EYS: variants seen among roughly 807,000 people sequenced by gnomAD.
The protein encoded by EYS is EGF-like photoreceptor maintenance factor.
Under a neutral mutation model 282.1 loss-of-function variants are expected in EYS, and 250 were observed. The observed-to-expected ratio is 0.89, with a 90% confidence interval of 0.80 to 0.98. The LOEUF is 0.98. Among genes scored for constraint, EYS ranks in the 50% least tolerant of loss-of-function variants. The pLI is 0.00. For missense variants in EYS, 4,016 were observed against 3,709.0 expected (o/e 1.08, Z -2.15); for synonymous variants, 1,355 against 1,282.9 (o/e 1.06, Z -1.20).
At chr6:65,173,417 CG>C (rs972882060) in intron 12 of EYS, among the ~76,000 whole-genome samples, 7 of 147,742 alleles carry the variant, frequency 4.7e-5, no homozygotes, top group Non-Finnish European at 1.0e-4. Flanking sequence ...CAAAATAGAA[CG>C]GGGGACTCAC....
At chr6:64,996,678 A>T (rs1323300435) in intron 14 of EYS, among the ~76,000 whole-genome samples, 1 of 152,330 alleles carries the variant, frequency 6.6e-6, no homozygotes, top group South Asian at 2.1e-4. Context: ...TGCGAGTTAC[A>T]GTTATTCCAT....
At position 65,289,072 on chromosome 6, in the gene EYS, T is replaced by C. The variant is rs1768450302; in HGVS notation, c.2023+6791A>G. Among the ~76,000 whole-genome samples the C allele has an allele frequency of 2.7e-5, 4 of 150,932 alleles. No homozygotes were observed. In the South Asian group the frequency reaches 8.3e-4, roughly 31 times the overall value. ...GTGTTGGCATATATTTAAACCTTAA[T>C]ATAAACTAACTACATAAAATGAAAG... On this transcript the variant is annotated intron_variant, in intron 12 of 42. Coordinates refer to ENST00000503581, the MANE Select transcript of EYS (RefSeq NM_001142800.2).
chr6:64,472,878 TGAG>T (rs1345038706), intron 26 of EYS, among the ~76,000 whole-genome samples: 1 of 152,114 alleles, frequency 6.6e-6, no homozygotes, highest in Non-Finnish European at 1.5e-5. Flanking sequence ...CATACCTTTG[TGAG>T]GAGATTCAAC....
At chr6:65,446,135 T>C (rs922819257) in intron 5 of EYS, among the ~76,000 whole-genome samples, 17 of 151,790 alleles carry the variant, frequency 1.1e-4, no homozygotes, top group Non-Finnish European at 2.4e-4. Context: ...TTTTATCATA[T>C]ATGTAGCAAA....
At chr6:64,679,251 G>A (rs1225255823) in intron 22 of EYS, among the ~76,000 whole-genome samples, 1 of 151,950 alleles carries the variant, frequency 6.6e-6, no homozygotes, top group Admixed American at 6.6e-5. Flanking sequence ...AAGTGTGTAT[G>A]TGCATATGTG....
At chr6:64,479,382 A>C (rs1324134744) in intron 26 of EYS, among the ~76,000 whole-genome samples, 6 of 151,946 alleles carry the variant, frequency 3.9e-5, no homozygotes, top group Non-Finnish European at 7.4e-5. Context: ...TTAGCAGAAC[A>C]TTCAAGACCT....
chr6:64,450,575 C>T (rs925700090), intron 26 of EYS, among the ~76,000 whole-genome samples: 4 of 152,162 alleles, frequency 2.6e-5, no homozygotes, highest in Admixed American at 2.0e-4. Flanking sequence ...CACCACACCA[C>T]ACCTATTCCA....
intron 26 of EYS, among the ~76,000 whole-genome samples, chr6:64,470,567 C>A (rs1175232102): frequency 1.3e-5 from 1 of 74,472 alleles, no homozygotes; most frequent in African/African-American, 4.2e-5. Flanking sequence ...TTGGGCCACA[C>A]ATAAAATACA....
At chr6:64,349,561 A>G (rs1335552204) in intron 29 of EYS, among the ~76,000 whole-genome samples, 2 of 151,330 alleles carry the variant, frequency 1.3e-5, no homozygotes, top group East Asian at 3.9e-4. Flanking sequence ...ATGATTCTAT[A>G]AAATAAATAG....
chr6:64,062,027 AT>A (rs1160592512), intron 33 of EYS, among the ~76,000 whole-genome samples: 1 of 152,096 alleles, frequency 6.6e-6, no homozygotes, highest in Non-Finnish European at 1.5e-5. Flanking sequence ...ATACTTTAAT[AT>A]TGAAGACATC....
intron 26 of EYS, among the ~76,000 whole-genome samples, chr6:64,484,461 C>G (rs1776525121): frequency 6.6e-6 from 1 of 151,522 alleles, no homozygotes. Flanking sequence ...AGGGCCCACT[C>G]CAACGCTTTA....
chr6:63,846,782 C>T (rs974271690), intron 36 of EYS, among the ~76,000 whole-genome samples: 1 of 152,184 alleles, frequency 6.6e-6, no homozygotes, highest in Admixed American at 6.5e-5. Flanking sequence ...AGGACCCACA[C>T]ACTATCTTAT....
chr6:64,702,067 A>C (rs919550043), intron 22 of EYS, among the ~76,000 whole-genome samples: 1 of 152,018 alleles, frequency 6.6e-6, no homozygotes, highest in Non-Finnish European at 1.5e-5. Context: ...CAATAACAAA[A>C]AACCTCATTT....
At chr6:64,794,655 C>T (rs1226729547) in intron 22 of EYS, among the ~76,000 whole-genome samples, 1 of 152,130 alleles carries the variant, frequency 6.6e-6, no homozygotes, top group Non-Finnish European at 1.5e-5. Flanking sequence ...TGGACTAATA[C>T]AGTGTTCATC....
chr6:64,751,910 A>G (rs958827543), intron 22 of EYS, among the ~76,000 whole-genome samples: 2 of 152,170 alleles, frequency 1.3e-5, no homozygotes, highest in Admixed American at 1.3e-4. Flanking sequence ...AATCCTTGCC[A>G]TTTAAAGCAC....
intron 5 of EYS, among the ~76,000 whole-genome samples, chr6:65,457,290 A>T (rs867218902): frequency 7.9e-5 from 12 of 151,814 alleles, no homozygotes; most frequent in African/African-American, 2.7e-4. Context: ...TCAGACTCCT[A>T]TGTTTCTGTG....
intron 2 of EYS, among the ~76,000 whole-genome samples, chr6:65,500,497 G>A (rs1437388696): frequency 6.6e-6 from 1 of 151,946 alleles, no homozygotes; most frequent in Non-Finnish European, 1.5e-5. Flanking sequence ...GTAGATTTGA[G>A]TGGTATGGTG....
intron 37 of EYS, among the ~76,000 whole-genome samples, chr6:63,790,212 C>G (rs192581141): frequency 7.9e-4 from 120 of 152,284 alleles, no homozygotes; most frequent in African/African-American, 2.7e-3. Context: ...CCTCCTCCTT[C>G]TGCATTTATA....
chr6:63,879,435 T>C (rs1435158202), intron 35 of EYS, among the ~76,000 whole-genome samples: 2 of 152,170 alleles, frequency 1.3e-5, no homozygotes, highest in Admixed American at 1.3e-4. Flanking sequence ...TTGACTCAAA[T>C]ACCTTACAAA....
Sources: gnomAD v4.1 joint callset for allele counts (sites outside exome capture counted in the v4.1 genomes callset) on GRCh38, gnomAD v4.1.1 for gene constraint, MANE v1.5 for transcripts, NCBI Gene and HGNC (gene_info 2026-07-23, HGNC 2026-07-21) for gene names.